The following SEMA3A variants were observed in gnomAD, a reference collection of about 807,000 sequenced individuals.
SEMA3A encodes semaphorin-3A.
In SEMA3A, 29 loss-of-function variants were observed where a neutral mutation model predicts 97.9. The ratio of observed to expected loss-of-function variants is 0.30; its 90% CI spans 0.22 to 0.40. The LOEUF is 0.40. Among genes scored for constraint, SEMA3A ranks in the 10% least tolerant of loss-of-function variants. The pLI is 1.00. For missense variants in SEMA3A, 763 were observed against 951.3 expected (o/e 0.80, Z 2.60); for synonymous variants, 321 against 323.7 (o/e 0.99, Z 0.09).
intron 15 of SEMA3A, among the ~76,000 whole-genome samples, chr7:83,967,387 C>T (rs371151575): frequency 1.8e-4 from 27 of 152,220 alleles, no homozygotes; most frequent in Non-Finnish European, 3.4e-4. Context: ...GAAAAAAGTA[C>T]GAACAGAAAT....
chr7:84,345,671 G>A (rs920897014), intron 2 of SEMA3A, among the ~76,000 whole-genome samples: 30 of 152,170 alleles, frequency 2.0e-4, no homozygotes, highest in Non-Finnish European at 1.0e-4. Context: ...ATCCATTGGA[G>A]TTTTAACATG....
chr7:84,106,694 T>G (rs1795118269), intron 4 of SEMA3A, among the ~76,000 whole-genome samples: 1 of 152,178 alleles, frequency 6.6e-6, no homozygotes, highest in East Asian at 1.9e-4. Flanking sequence ...AAGCCCTGTT[T>G]TCCTTCAAAG....
chr7:84,192,369 T>C (rs1798074739), intron 1 of SEMA3A, among the ~76,000 whole-genome samples: 1 of 151,920 alleles, frequency 6.6e-6, no homozygotes, highest in Admixed American at 6.6e-5. Flanking sequence ...GGCCATTCCT[T>C]TTATTCTTCT....
intron 4 of SEMA3A, among the ~76,000 whole-genome samples, chr7:84,080,940 G>T (rs1337059963): frequency 6.6e-6 from 1 of 151,516 alleles, no homozygotes; most frequent in Non-Finnish European, 1.5e-5. Flanking sequence ...TTTACATGTG[G>T]GGACAATATT....
chr7:84,197,553 G>A (rs1307189638), upstream of SEMA3A, among the ~76,000 whole-genome samples: 1 of 151,626 alleles, frequency 6.6e-6, no homozygotes, highest in African/African-American at 2.4e-5. Context: ...GAATAAAATT[G>A]TTTAACTTTT....
intron 3 of SEMA3A, among the ~76,000 whole-genome samples, chr7:84,215,195 A>G (rs1318228907): frequency 6.7e-6 from 1 of 150,350 alleles, no homozygotes. Flanking sequence ...TTATTTATTT[A>G]TTTTTTGGAC....
chr7:84,164,087 C>T (rs1028859232), intron 1 of SEMA3A, among the ~76,000 whole-genome samples: 5 of 152,174 alleles, frequency 3.3e-5, no homozygotes, highest in East Asian at 1.9e-4. Flanking sequence ...TCAGGTGATC[C>T]GCCCACCTTG....
At chr7:84,141,264 T>C (rs1796283293) in intron 1 of SEMA3A, among the ~76,000 whole-genome samples, 2 of 152,210 alleles carry the variant, frequency 1.3e-5, no homozygotes, top group African/African-American at 4.8e-5. Context: ...CATCCTGATC[T>C]GTTACTAACT....
At chr7:84,353,311 A>C (rs1317058376) in intron 2 of SEMA3A, among the ~76,000 whole-genome samples, 2 of 150,566 alleles carry the variant, frequency 1.3e-5, no homozygotes, top group African/African-American at 5.0e-5. Flanking sequence ...TACTCTCTTT[A>C]TATATTTTAT....
intron 4 of SEMA3A, among the ~76,000 whole-genome samples, chr7:84,086,426 ATATTATATTTATATTTTATATAT>A (rs1337875513): frequency 5.5e-5 from 8 of 144,342 alleles, no homozygotes; most frequent in Non-Finnish European, 1.2e-4. Context: ...TTAATATTTC[ATATTATATTTATATTTTATATAT>A]TATTATATTC....
intron 2 of SEMA3A, among the ~76,000 whole-genome samples, chr7:84,344,751 A>T (rs1802254564): frequency 6.6e-6 from 1 of 152,160 alleles, no homozygotes; most frequent in Admixed American, 6.6e-5. Flanking sequence ...GCAGAAAAAT[A>T]TCTGGAGCTC....
intron 15 of SEMA3A, among the ~76,000 whole-genome samples, chr7:83,972,971 G>A (rs1477529933): frequency 5.3e-5 from 8 of 152,122 alleles, no homozygotes; most frequent in Non-Finnish European, 1.2e-4. Context: ...GCAAGTATTT[G>A]ATTCTAAGAC....
At chr7:84,449,056 A>G (rs2116360445) in intron 1 of SEMA3A, among the ~76,000 whole-genome samples, 1 of 152,336 alleles carries the variant, frequency 6.6e-6, no homozygotes, top group Admixed American at 6.5e-5. Context: ...AAAAGACAGT[A>G]TTTTCAACAG....
Position 84,282,594 on chromosome 7 carries a change from G to A in SEMA3A, c.-83+24613C>T, listed in dbSNP as rs113765868. On this transcript the variant is annotated intron_variant, in intron 3 of 3. Coordinates refer to the SEMA3A transcript ENST00000424555. Reference sequence around the variant, plus strand: ...AACCTTCTCTAAGTCAGTAGATAACGTTAAGCCAGTGATTTCTAAAGAAAA... The same window carrying A: ...AACCTTCTCTAAGTCAGTAGATAACATTAAGCCAGTGATTTCTAAAGAAAA... Among the ~76,000 whole-genome samples, 21 of 152,056 alleles carry A rather than the reference G, an allele frequency of 1.4e-4. 1 individual carries two copies. Among genetic ancestry groups the A allele is most frequent in the African/African-American group, 4.6e-4 (19 of 41,488 alleles).
intron 12 of SEMA3A, among the ~76,000 whole-genome samples, chr7:83,986,545 G>A (rs1292406486): frequency 6.6e-6 from 1 of 152,150 alleles, no homozygotes; most frequent in Non-Finnish European, 1.5e-5. Context: ...TCAATGAACT[G>A]TGCTGCAGTT....
intron 3 of SEMA3A, among the ~76,000 whole-genome samples, chr7:84,296,189 A>T (rs1800866711): frequency 6.6e-6 from 1 of 151,082 alleles, no homozygotes; most frequent in African/African-American, 2.4e-5. Flanking sequence ...ATATGAACGT[A>T]TTTTTTTTTG....
At chr7:84,460,309 T>C (rs949224296) in intron 1 of SEMA3A, among the ~76,000 whole-genome samples, 1 of 152,118 alleles carries the variant, frequency 6.6e-6, no homozygotes, top group African/African-American at 2.4e-5. Context: ...GAACTAGTCA[T>C]ATAGTGCCCA....
chr7:84,443,412 C>T (rs2527528), intron 1 of SEMA3A, among the ~76,000 whole-genome samples: 26,867 of 152,062 alleles, frequency 0.18, 2,516 homozygotes, highest in Middle Eastern at 0.22. Context: ...TCCTAAAGAA[C>T]TGAAGGTGCT....
chr7:84,122,896 C>T (rs1226076064), intron 3 of SEMA3A, among the ~76,000 whole-genome samples: 4 of 152,076 alleles, frequency 2.6e-5, no homozygotes, highest in Non-Finnish European at 5.9e-5. Flanking sequence ...ATAAATCCCT[C>T]AAGAATTTTA....
Sources: gnomAD v4.1 joint callset for allele counts (sites outside exome capture counted in the v4.1 genomes callset) on GRCh38, gnomAD v4.1.1 for gene constraint, MANE v1.5 for transcripts, NCBI Gene and HGNC (gene_info 2026-07-23, HGNC 2026-07-21) for gene names.